The following PTPRN2 variants were observed in gnomAD, a reference collection of about 807,000 sequenced individuals.
PTPRN2 encodes the protein protein tyrosine phosphatase receptor type N2.
Under a neutral mutation model 118.8 loss-of-function variants are expected in PTPRN2, and 74 were observed. The ratio of observed to expected loss-of-function variants is 0.62; its 90% CI spans 0.52 to 0.76. The LOEUF is 0.76. Ranked by LOEUF, PTPRN2 falls within the 30% of genes least tolerant of loss-of-function variation. The pLI, the probability that PTPRN2 is intolerant of heterozygous loss-of-function variation, is 0.00. For missense variants in PTPRN2, 1,481 were observed against 1,394.4 expected (o/e 1.06, Z -0.99); for synonymous variants, 641 against 608.0 (o/e 1.05, Z -0.80).
intron 11 of PTPRN2, among the ~76,000 whole-genome samples, chr7:158,007,056 G>A (rs6974258): frequency 0.15 from 22,961 of 152,198 alleles, 1,834 homozygotes; most frequent in African/African-American, 0.18. Context: ...GCAGGCTGGC[G>A]GGCGGCCGTC....
rs145649931 is a variant in PTPRN2, at chr7:157,627,626, G to A, written c.2197-6117C>T. Among the ~76,000 whole-genome samples the A allele has an allele frequency of 3.8e-4, 58 of 152,246 alleles. 1 individual carries two copies. The East Asian group carries it at 0.011, about 29-fold the overall frequency. ...TTTTCATATTTTTAAACTCCATTAA[G>A]GGAATTTTACTTAAGCTGTTTCTAG... On this transcript the variant is annotated intron_variant, in intron 14 of 22. Coordinates refer to ENST00000389418, the MANE Select transcript of PTPRN2 (RefSeq NM_002847.5). This position sits in a 1 kb window ranked among gnomAD's most constrained non-coding sequence, Gnocchi z 4.2.
rs1408646612 is a variant in PTPRN2 at position 158,190,693 on chromosome 7, AC to A, written c.549+1633del. On this transcript the variant is annotated intron_variant, in intron 5 of 22. Transcript: ENST00000389418. ...GAAACACAGTCCATGATCAGGAAAA[AC>A]ACAAATATGGCCCAGGTGCCACTGG... 2.0e-5 allele frequency among the ~76,000 whole-genome samples: 3 copies of A among 152,190 alleles called. No homozygotes were observed. In the East Asian group the frequency reaches 5.8e-4, roughly 29 times the overall value.
chr7:158,516,594 G>A (rs72505574), intron 1 of PTPRN2, among the ~76,000 whole-genome samples: 1,603 of 151,330 alleles, frequency 0.011, 22 homozygotes, highest in East Asian at 0.034. Flanking sequence ...ATTGTTCTTC[G>A]TGCTGTTCTT....
At chr7:158,188,596 A>G (rs1585787686) in intron 5 of PTPRN2, among the ~76,000 whole-genome samples, 1 of 49,152 alleles carries the variant, frequency 2.0e-5, no homozygotes, top group Non-Finnish European at 4.6e-5. Flanking sequence ...TCGCCCCCTG[A>G]TGGGGAAGCC....
At position 158,322,236 on chromosome 7, in the gene PTPRN2, C is replaced by T. The variant is rs578170958; in HGVS notation, c.164-5304G>A. On this transcript the variant is annotated intron_variant, in intron 2 of 22. Transcript: ENST00000389418. ...GCCAGGCCAGGACAGCCGGGAGACACGCACACAGAAAAAGCAGACACTGCA... is the reference window on the plus strand; with the variant it reads ...GCCAGGCCAGGACAGCCGGGAGACATGCACACAGAAAAAGCAGACACTGCA... 5.9e-5 allele frequency among the ~76,000 whole-genome samples: 9 copies of T among 152,302 alleles called. No homozygotes were observed. The East Asian group carries it at 7.7e-4, about 13-fold the overall frequency.
intron 6 of PTPRN2, among the ~76,000 whole-genome samples, chr7:158,160,428 A>G (rs553254016): frequency 3.3e-5 from 5 of 152,032 alleles, no homozygotes; most frequent in Admixed American, 3.3e-4. Flanking sequence ...CGGCCTTTGG[A>G]CTCCAGGACT....
intron 10 of PTPRN2, among the ~76,000 whole-genome samples, chr7:158,087,625 ATGAAGGAGGGAGT>A (rs1813542935): frequency 2.0e-5 from 3 of 151,054 alleles, no homozygotes; most frequent in Non-Finnish European, 3.0e-5. Context: ...TCCTCCCCTG[ATGAAGGAGGGAGT>A]CTTCACACAA....
At chr7:157,582,141 T>C (rs980070551) in intron 17 of PTPRN2, among the ~76,000 whole-genome samples, 1 of 152,172 alleles carries the variant, frequency 6.6e-6, no homozygotes, top group African/African-American at 2.4e-5. Flanking sequence ...TAGCAAGAGA[T>C]GCATCCGCTG....
At chr7:158,519,007 A>G (rs1400582148) in intron 1 of PTPRN2, among the ~76,000 whole-genome samples, 1 of 152,150 alleles carries the variant, frequency 6.6e-6, no homozygotes, top group East Asian at 1.9e-4. Context: ...AAACAAAAAA[A>G]CAATACTTGG....
chr7:158,236,269 A>G (rs1431651143), intron 3 of PTPRN2, among the ~76,000 whole-genome samples: 1 of 152,186 alleles, frequency 6.6e-6, no homozygotes, highest in African/African-American at 2.4e-5. Flanking sequence ...CCTGCCACAC[A>G]GGCAGGCAAT....
At chr7:158,168,504 C>T (rs1351894762) in intron 5 of PTPRN2, among the ~76,000 whole-genome samples, 2 of 152,238 alleles carry the variant, frequency 1.3e-5, no homozygotes, top group Non-Finnish European at 2.9e-5. Context: ...TCCCCAATAG[C>T]TGAATCTCTC....
intron 12 of PTPRN2, among the ~76,000 whole-genome samples, chr7:157,811,697 C>T (rs367948581): frequency 5.9e-5 from 9 of 152,204 alleles, no homozygotes; most frequent in East Asian, 3.9e-4. Flanking sequence ...CTGATGCTCC[C>T]CACAGGCCGG....
At chr7:158,056,506 G>T (rs1424287495) in intron 11 of PTPRN2, among the ~76,000 whole-genome samples, 2 of 152,180 alleles carry the variant, frequency 1.3e-5, no homozygotes, top group Non-Finnish European at 2.9e-5. Context: ...TTCCACATGT[G>T]CCTGGGTTTA....
intron 2 of PTPRN2, among the ~76,000 whole-genome samples, chr7:158,346,827 T>G (rs1045283290): frequency 4.6e-5 from 7 of 152,244 alleles, no homozygotes; most frequent in African/African-American, 1.7e-4. Flanking sequence ...CATTGTGGTT[T>G]TGATTTGCAT....
intron 11 of PTPRN2, among the ~76,000 whole-genome samples, chr7:158,051,128 T>C (rs1809296115): frequency 6.6e-6 from 1 of 152,320 alleles, no homozygotes. Context: ...GCAGGGGGCA[T>C]CTGTTGGGGG....
intron 13 of PTPRN2, chr7:157,669,579 G>A: frequency 4.1e-6 from 2 of 483,470 alleles, no homozygotes; most frequent in South Asian, 1.5e-5. Context: ...CCACGCACGG[G>A]CAAACAAGCC....
chr7:157,940,327 C>CT (rs1328974600), intron 11 of PTPRN2, among the ~76,000 whole-genome samples: 13 of 152,170 alleles, frequency 8.5e-5, no homozygotes, highest in Admixed American at 7.9e-4. Context: ...AAAGCAAACT[C>CT]TTTTTTGTGC....
chr7:158,145,874 G>A, intron 6 of PTPRN2, among the ~76,000 whole-genome samples: 1 of 152,220 alleles, frequency 6.6e-6, no homozygotes. Context: ...TGCTCCCGGA[G>A]TCTTGGCCCC....
chr7:158,333,616 A>G (rs1265853578), intron 2 of PTPRN2, among the ~76,000 whole-genome samples: 2 of 151,094 alleles, frequency 1.3e-5, no homozygotes, highest in African/African-American at 4.9e-5. Flanking sequence ...TCACTATAAG[A>G]GGTGACACCT....
Sources: gnomAD v4.1 joint callset for allele counts (sites outside exome capture counted in the v4.1 genomes callset) on GRCh38, gnomAD v4.1.1 for gene constraint, Gnocchi (gnomAD v3.1) non-coding constraint, MANE v1.5 for transcripts, NCBI Gene and HGNC (gene_info 2026-07-23, HGNC 2026-07-21) for gene names.